Variants in PTPN12 observed in about 807,000 individuals in gnomAD.
PTPN12 encodes the protein protein tyrosine phosphatase non-receptor type 12.
Under a neutral mutation model 97.6 loss-of-function variants are expected in PTPN12, and 29 were observed. That is an observed-to-expected ratio of 0.30 (90% CI 0.22 to 0.41). The LOEUF is 0.41. PTPN12 is among the 10% of genes least tolerant of loss of function. PTPN12 has a pLI of 1.00. For missense variants in PTPN12, 819 were observed against 926.0 expected, an observed-to-expected ratio of 0.88 and a Z score of 1.50; for synonymous variants, 327 against 300.4, an observed-to-expected ratio of 1.09 and a Z score of -0.91.
intron 2 of PTPN12, 26 bp downstream of exon 2, chr7:77,571,212 A>C (rs1452685411): frequency 1.4e-6 from 2 of 1,395,956 alleles, no homozygotes; most frequent in African/African-American, 2.9e-5. Context: ...CCTTGATAAA[A>C]TACATAGAAA....
chr7:77,596,940 T>C (rs575156661), intron 6 of PTPN12, among the ~76,000 whole-genome samples: 1 of 152,242 alleles, frequency 6.6e-6, no homozygotes, highest in South Asian at 2.1e-4. Context: ...ATTCTGTGGG[T>C]TTGAAGAAAT....
chr7:77,604,081 G>A (rs1346446604), intron 8 of PTPN12, among the ~76,000 whole-genome samples: 1 of 150,012 alleles, frequency 6.7e-6, no homozygotes, highest in African/African-American at 2.4e-5. Flanking sequence ...GTAGAGACGG[G>A]GTTTCACTAT....
chr7:77,592,428 T>C (rs977404665), intron 6 of PTPN12, 172 bp downstream of exon 6: 4 of 491,142 alleles, frequency 8.1e-6, no homozygotes, highest in Non-Finnish European at 7.1e-6. Context: ...TTGGAAGCTT[T>C]TGGGTTGACT....
At chr7:77,633,966 C>T (rs189528920) in intron 14 of PTPN12, among the ~76,000 whole-genome samples, 12 of 151,392 alleles carry the variant, frequency 7.9e-5, no homozygotes, top group Admixed American at 2.6e-4. Context: ...GAGGTTGCAG[C>T]GAGCTGAGAC....
chr7:77,578,412 G>A (rs1034259188), intron 2 of PTPN12, among the ~76,000 whole-genome samples: 1 of 152,122 alleles, frequency 6.6e-6, no homozygotes, highest in African/African-American at 2.4e-5. Flanking sequence ...ATAAATGACA[G>A]AGCATTGACA....
At chr7:77,638,956 A>G in intron 17 of PTPN12, 2 of 807,458 alleles carry the variant, frequency 2.5e-6, no homozygotes, top group African/African-American at 1.8e-5. Flanking sequence ...TGGAAAGACT[A>G]AATTATCATG....
intron 12 of PTPN12, among the ~76,000 whole-genome samples, chr7:77,624,833 A>T (rs555141047): frequency 6.6e-6 from 1 of 152,094 alleles, no homozygotes; most frequent in East Asian, 1.9e-4. Flanking sequence ...GGGGGGAGAA[A>T]AAAAAGCAAA....
intron 9 of PTPN12, among the ~76,000 whole-genome samples, chr7:77,609,427 A>G (rs552286524): frequency 6.6e-6 from 1 of 151,284 alleles, no homozygotes; most frequent in South Asian, 2.1e-4. Context: ...ACGCGGCACC[A>G]TGCCTGGCTA....
At chr7:77,563,804 T>G (rs890034352) in intron 1 of PTPN12, 1 of 219,108 alleles carries the variant, frequency 4.6e-6, no homozygotes, top group African/African-American at 2.4e-5. Context: ...GAAGATGAAT[T>G]TTGATAGGCA....
At chr7:77,591,671 T>A (rs1787870960) in intron 5 of PTPN12, among the ~76,000 whole-genome samples, 1 of 152,204 alleles carries the variant, frequency 6.6e-6, no homozygotes, top group Admixed American at 6.5e-5. Context: ...TATTCCTATT[T>A]TTACAGATAA....
chr7:77,565,098 T>G (rs1016517395), intron 1 of PTPN12, among the ~76,000 whole-genome samples: 3 of 143,810 alleles, frequency 2.1e-5, no homozygotes, highest in African/African-American at 7.3e-5. Flanking sequence ...TTGAGGAATT[T>G]GAGGCAGTGG....
intron 6 of PTPN12, among the ~76,000 whole-genome samples, chr7:77,596,843 CT>C (rs1161970920): frequency 1.3e-5 from 2 of 152,186 alleles, no homozygotes; most frequent in African/African-American, 4.8e-5. Context: ...AGAGCAGTCT[CT>C]TTGTTACAAT....
intron 9 of PTPN12, 40 bp downstream of exon 9, chr7:77,607,341 A>G (rs758493354): frequency 5.1e-6 from 7 of 1,373,452 alleles, no homozygotes; most frequent in Middle Eastern, 1.8e-4. Context: ...CAATTGATCT[A>G]TTATGATTTT....
intron 12 of PTPN12, among the ~76,000 whole-genome samples, chr7:77,620,586 T>A (rs1788898242): frequency 6.6e-6 from 1 of 152,232 alleles, no homozygotes. Context: ...ATCATAAGAT[T>A]GATAACAAGT....
chr7:77,607,371 A>G (rs1412560395), intron 9 of PTPN12, 70 bp downstream of exon 9: 3 of 1,053,364 alleles, frequency 2.8e-6, no homozygotes, highest in Non-Finnish European at 2.9e-6. Context: ...TTATAATTGC[A>G]GTAAATTATA....
intron 1 of PTPN12, among the ~76,000 whole-genome samples, chr7:77,561,685 G>T (rs1808001134): frequency 1.3e-5 from 2 of 152,032 alleles, no homozygotes; most frequent in Admixed American, 1.3e-4. Flanking sequence ...GTAATCGGAG[G>T]TAAAGAGAAT....
chr7:77,623,653 G>A (rs898677149), intron 12 of PTPN12, among the ~76,000 whole-genome samples: 1 of 152,216 alleles, frequency 6.6e-6, no homozygotes, highest in Non-Finnish European at 1.5e-5. Context: ...GGCGGAGGTT[G>A]CAGTAAGCTG....
intron 1 of PTPN12, among the ~76,000 whole-genome samples, chr7:77,567,497 C>G (rs989758982): frequency 6.6e-6 from 1 of 152,090 alleles, no homozygotes; most frequent in Non-Finnish European, 1.5e-5. Flanking sequence ...AAAAAGCATA[C>G]ACAAAGACAC....
chr7:77,602,218 A>G (rs1325344494), intron 8 of PTPN12, among the ~76,000 whole-genome samples: 1 of 152,056 alleles, frequency 6.6e-6, no homozygotes, highest in Non-Finnish European at 1.5e-5. Flanking sequence ...TATTTTAGCT[A>G]AGAGAAATCA....
Sources: gnomAD v4.1 joint callset for allele counts (sites outside exome capture counted in the v4.1 genomes callset) on GRCh38, gnomAD v4.1.1 for gene constraint, MANE v1.5 for transcripts, NCBI Gene and HGNC (gene_info 2026-07-23, HGNC 2026-07-21) for gene names.